PUDP: variants seen among roughly 807,000 people sequenced by gnomAD.
PUDP encodes pseudouridine 5'-phosphatase.
Under a neutral mutation model 9.4 loss-of-function variants are expected in PUDP, and 8 were observed. That is an observed-to-expected ratio of 0.85 (90% CI 0.50 to 1.53). The LOEUF is 1.53. Ranked by LOEUF, PUDP falls within the 40% of genes most tolerant of loss-of-function variation. The pLI is 0.00. For missense variants in PUDP, 188 were observed against 189.7 expected, an observed-to-expected ratio of 0.99 and a Z score of 0.05; for synonymous variants, 99 against 80.7, an observed-to-expected ratio of 1.23 and a Z score of -1.22.
chrX:6,874,019 G>A (rs746656430), intron 3 of PUDP, among the ~76,000 whole-genome samples: 44 of 110,583 alleles, frequency 4.0e-4, no homozygotes, highest in Non-Finnish European at 7.6e-4. Flanking sequence ...GCAGCCACTC[G>A]GGAGGCTGAG....
intron 3 of PUDP, among the ~76,000 whole-genome samples, chrX:6,945,513 A>C (rs1205810552): frequency 4.5e-5 from 5 of 112,104 alleles, no homozygotes; most frequent in African/African-American, 1.6e-4. Context: ...TGGCCAAGGA[A>C]GGTAAGGCAA....
chrX:6,763,478 G>T (rs1316864203), intron 3 of PUDP, among the ~76,000 whole-genome samples: 3 of 111,796 alleles, frequency 2.7e-5, no homozygotes, highest in Non-Finnish European at 3.8e-5. Flanking sequence ...ACATATTATT[G>T]ACTATTGCTG....
intron 3 of PUDP, among the ~76,000 whole-genome samples, chrX:6,760,267 T>A (rs1412578405): frequency 8.9e-6 from 1 of 111,843 alleles, no homozygotes; most frequent in Non-Finnish European, 1.9e-5. Flanking sequence ...GGGTTGAGCA[T>A]CAAGATTTGA....
Position 7,148,090 on chromosome X carries a change from G to A in PUDP, c.24C>T (p.Val8=), listed in dbSNP as rs1602858406. 8.8e-7 allele frequency: 1 copy of A among 1,136,399 alleles called. No homozygotes were observed. The highest frequency in any genetic ancestry group is 2.0e-5 in the South Asian group (1 of 50,311). The allele number at this position is 1,136,399 out of a possible 1,213,427, so 93.7% of individuals were successfully genotyped here. The change falls in exon 1 of 4, where the codon GTC becomes GTT. Residue 8 remains valine, a synonymous_variant. Coordinates refer to ENST00000381077, the MANE Select transcript of PUDP (RefSeq NM_012080.5). MAAPPQP[V]THLIFDMDGL... is the part of the protein sequence containing the mutation. ...CGTCCATGTCAAAGATGAGGTGGGT[G>A]ACGGGCTGCGGGGGCGCCGCCATGG...
chrX:7,017,099 T>G (rs960000601), intron 1 of PUDP, among the ~76,000 whole-genome samples: 1 of 112,014 alleles, frequency 8.9e-6, no homozygotes, highest in African/African-American at 3.3e-5. Flanking sequence ...CCTCCACTAT[T>G]AGCTGCCACT....
At chrX:7,016,900 C>T (rs898622326) in intron 1 of PUDP, among the ~76,000 whole-genome samples, 7 of 111,381 alleles carry the variant, frequency 6.3e-5, no homozygotes, top group African/African-American at 2.3e-4. Context: ...TTTCCATGTA[C>T]AATATCCATC....
At chrX:6,741,830 CTT>C (rs751402419) in intron 3 of PUDP, among the ~76,000 whole-genome samples, 8 of 102,045 alleles carry the variant, frequency 7.8e-5, no homozygotes, top group Non-Finnish European at 1.2e-4. Flanking sequence ...CTCTCTCTCT[CTT>C]TCTTTCTTTC....
At chrX:6,953,232 A>G (rs1928580765) in intron 3 of PUDP, among the ~76,000 whole-genome samples, 1 of 111,478 alleles carries the variant, frequency 9.0e-6, no homozygotes, top group African/African-American at 3.3e-5. Context: ...ACTTCAATTG[A>G]GTTTATTTTT....
At chrX:6,886,737 CAAGGACTACA>C (rs1211295507) in intron 3 of PUDP, among the ~76,000 whole-genome samples, 1 of 111,061 alleles carries the variant, frequency 9.0e-6, no homozygotes, top group Non-Finnish European at 1.9e-5. Context: ...AAGAGTTGAA[CAAGGACTACA>C]AAATCCCTAT....
At chrX:6,883,678 A>T (rs754760660) in intron 3 of PUDP, among the ~76,000 whole-genome samples, 1 of 111,508 alleles carries the variant, frequency 9.0e-6, no homozygotes, top group African/African-American at 3.2e-5. Flanking sequence ...TAATAAAGTA[A>T]AAATGAACAA....
Position 6,865,820 on chromosome X carries a change from G to T in PUDP, c.*247+111313C>A, listed in dbSNP as rs1927071263. Among the ~76,000 whole-genome samples, 3 of 111,655 alleles carry T rather than the reference G, an allele frequency of 2.7e-5. No individual in the cohort carries two copies. In the South Asian group the frequency reaches 1.1e-3, roughly 41 times the overall value. On this transcript the variant is annotated intron_variant and NMD_transcript_variant, in intron 3 of 3. Transcript: ENST00000655425. ...AAAACAGATTTTATTTTTCTTGAGG[G>T]TTTAGAAATAAATTTATAGCTCACA...
intron 3 of PUDP, among the ~76,000 whole-genome samples, chrX:6,799,559 C>T (rs1925897088): frequency 9.0e-6 from 1 of 111,522 alleles, no homozygotes; most frequent in African/African-American, 3.3e-5. Flanking sequence ...TTTTGAAAAC[C>T]TTAATGGGAA....
chrX:6,750,483 T>G (rs778332457), intron 3 of PUDP, among the ~76,000 whole-genome samples: 22 of 110,784 alleles, frequency 2.0e-4, no homozygotes, highest in Non-Finnish European at 4.0e-4. Flanking sequence ...TACCATTACA[T>G]AAACGCACAC....
At chrX:7,101,029 C>T (rs1165713274) in intron 2 of PUDP, among the ~76,000 whole-genome samples, 1 of 111,880 alleles carries the variant, frequency 8.9e-6, no homozygotes, top group African/African-American at 3.2e-5. Context: ...AGCCAGCATC[C>T]CAGCATGATT....
chrX:7,137,418 G>A (rs1932761408), intron 1 of PUDP, among the ~76,000 whole-genome samples: 1 of 109,193 alleles, frequency 9.2e-6, no homozygotes, highest in Admixed American at 9.8e-5. Flanking sequence ...GTGGTGGCGG[G>A]CACCTGCAGT....
downstream of PUDP, among the ~76,000 whole-genome samples, chrX:7,046,701 T>C (rs1641716987): frequency 8.9e-6 from 1 of 112,289 alleles, no homozygotes; most frequent in South Asian, 3.7e-4. Context: ...ACTTTGCCTA[T>C]GTGAAGGATG....
chrX:7,098,836 G>GGCCAAGAGATGCAGGGGAGACCCA (rs1569159424), intron 2 of PUDP, among the ~76,000 whole-genome samples: 3 of 96,152 alleles, frequency 3.1e-5, no homozygotes. Context: ...AGGCGGTAAG[G>GGCCAAGAGATGCAGGGGAGACCCA]GCCAAGAGAT....
chrX:7,066,213 A>T (rs951464730), intron 3 of PUDP, among the ~76,000 whole-genome samples: 5 of 111,642 alleles, frequency 4.5e-5, no homozygotes, highest in Non-Finnish European at 9.4e-5. Context: ...AGCCAACCTA[A>T]TGAAATGCCC....
chrX:6,970,528 C>T (rs956249265), intron 3 of PUDP, among the ~76,000 whole-genome samples: 6 of 111,318 alleles, frequency 5.4e-5, no homozygotes, highest in African/African-American at 9.8e-5. Flanking sequence ...GACTGGACTC[C>T]TATTTGGCCA....
Sources: gnomAD v4.1 joint callset for allele counts (sites outside exome capture counted in the v4.1 genomes callset) on GRCh38, gnomAD v4.1.1 for gene constraint, MANE v1.5 for transcripts, NCBI Gene and HGNC (gene_info 2026-07-23, HGNC 2026-07-21) for gene names.